Variants in GULP1 observed in about 807,000 individuals in gnomAD.
The protein encoded by GULP1 is GULP PTB domain containing engulfment adaptor 1.
Under a neutral mutation model 40.9 loss-of-function variants are expected in GULP1, and 19 were observed. That is an observed-to-expected ratio of 0.46 (90% CI 0.32 to 0.68). The LOEUF is 0.68. GULP1 is among the 30% of genes least tolerant of loss of function. The pLI is 0.03. For missense variants in GULP1, 312 were observed against 362.2 expected (o/e 0.86, Z 1.12); for synonymous variants, 119 against 117.6 (o/e 1.01, Z -0.08).
In GULP1 at chr2:188,368,648, A is replaced by C. The variant is rs185075931; in HGVS notation, c.-171-15115A>C. On this transcript the variant is annotated intron_variant, in intron 1 of 11. Coordinates refer to ENST00000409830, the MANE Select transcript of GULP1 (RefSeq NM_016315.4). ...TTAGTTAAAAAAATGTTTTCAGTAT[A>C]ACAAAGAAAATACAGAAGCCAAAGT... Among the ~76,000 whole-genome samples the C allele has an allele frequency of 2.6e-5, 4 of 151,888 alleles. No individual in the cohort carries two copies. In the South Asian group the frequency reaches 6.2e-4, roughly 24 times the overall value.
At chr2:188,352,290 G>T (rs1416971913) in intron 1 of GULP1, among the ~76,000 whole-genome samples, 1 of 152,134 alleles carries the variant, frequency 6.6e-6, no homozygotes, top group Non-Finnish European at 1.5e-5. Flanking sequence ...TAACAAAAAG[G>T]TTGAGTGAGA....
At chr2:188,431,851 G>A (rs1462088312) in intron 2 of GULP1, among the ~76,000 whole-genome samples, 2 of 151,618 alleles carry the variant, frequency 1.3e-5, no homozygotes, top group East Asian at 1.9e-4. Context: ...AATATCTGTA[G>A]TTTCTTCACA....
In GULP1 at chr2:188,404,693, G is replaced by A. The variant is rs148066789; in HGVS notation, c.-45+20804G>A. On this transcript the variant is annotated intron_variant, in intron 2 of 11. Coordinates refer to ENST00000409830, the MANE Select transcript of GULP1 (RefSeq NM_016315.4). ...CTGACCCCTGTGGCCCTAGGCCATGGACTGGTCCAGCATTAGACTGGTCCC... is the reference window on the plus strand; with the variant it reads ...CTGACCCCTGTGGCCCTAGGCCATGAACTGGTCCAGCATTAGACTGGTCCC... Among the ~76,000 whole-genome samples the A allele has an allele frequency of 5.9e-3, 895 of 152,236 alleles. 7 individuals carry two copies. The highest frequency in any genetic ancestry group is 0.01 in the Middle Eastern group (3 of 294).
chr2:188,451,566 T>C (rs550949485), intron 2 of GULP1, among the ~76,000 whole-genome samples: 1 of 152,312 alleles, frequency 6.6e-6, no homozygotes, highest in South Asian at 2.1e-4. Flanking sequence ...TCAAAATGTG[T>C]TTACATTTTA....
chr2:188,470,095 TCTC>T (rs2060464333), intron 2 of GULP1, among the ~76,000 whole-genome samples: 1 of 152,144 alleles, frequency 6.6e-6, no homozygotes, highest in Admixed American at 6.6e-5. Context: ...GGAAGTATTC[TCTC>T]CTCCTCTATT....
chr2:188,408,666 G>A (rs188785838), intron 2 of GULP1, among the ~76,000 whole-genome samples: 9 of 152,176 alleles, frequency 5.9e-5, no homozygotes, highest in East Asian at 3.9e-4. Context: ...TAGACCAAGC[G>A]GACCAGACAG....
At chr2:188,583,723 A>G (rs1431564846) in intron 9 of GULP1, among the ~76,000 whole-genome samples, 4 of 152,312 alleles carry the variant, frequency 2.6e-5, no homozygotes, top group Middle Eastern at 3.4e-3. Flanking sequence ...ATGTACTGCA[A>G]TGAATATCAG....
chr2:188,419,736 T>C (rs1224856995), intron 2 of GULP1, among the ~76,000 whole-genome samples: 1 of 152,184 alleles, frequency 6.6e-6, no homozygotes, highest in African/African-American at 2.4e-5. Context: ...GTTTATTTTG[T>C]TGCTTGTCCT....
intron 7 of GULP1, among the ~76,000 whole-genome samples, chr2:188,564,513 A>T (rs1452673259): frequency 6.6e-6 from 1 of 151,926 alleles, no homozygotes; most frequent in Non-Finnish European, 1.5e-5. Context: ...TGAGAATTTT[A>T]AAAATATGCA....
chr2:188,333,947 G>A (rs754668075), intron 1 of GULP1, among the ~76,000 whole-genome samples: 11 of 152,056 alleles, frequency 7.2e-5, no homozygotes, highest in Non-Finnish European at 7.4e-5. Flanking sequence ...CAGGGACTCC[G>A]TGCACTCCAG....
chr2:188,462,998 T>C (rs1204077977), intron 2 of GULP1, among the ~76,000 whole-genome samples: 1 of 152,138 alleles, frequency 6.6e-6, no homozygotes, highest in Non-Finnish European at 1.5e-5. Context: ...TTGTTTTAGT[T>C]ATTATTTTTG....
At chr2:188,446,188 A>C (rs1010000640) in intron 2 of GULP1, among the ~76,000 whole-genome samples, 16 of 152,136 alleles carry the variant, frequency 1.1e-4, no homozygotes, top group Admixed American at 1.0e-3. Context: ...TTCTACCTGC[A>C]TTTATATATG....
chr2:188,378,762 G>C (rs529276061), intron 1 of GULP1, among the ~76,000 whole-genome samples: 1 of 152,210 alleles, frequency 6.6e-6, no homozygotes, highest in Non-Finnish European at 1.5e-5. Flanking sequence ...ATTCATGAGG[G>C]ATCTGCCCCC....
chr2:188,328,339 C>G (rs2041053275), intron 1 of GULP1, among the ~76,000 whole-genome samples: 2 of 152,176 alleles, frequency 1.3e-5, no homozygotes, highest in South Asian at 4.2e-4. Flanking sequence ...AGTCAGGGAT[C>G]ATCAATAAAT....
chr2:188,297,199 T>G (rs948106911), intron 1 of GULP1, among the ~76,000 whole-genome samples: 1 of 152,026 alleles, frequency 6.6e-6, no homozygotes, highest in African/African-American at 2.4e-5. Flanking sequence ...AGACTTCTAT[T>G]TATACCTCCG....
intron 2 of GULP1, among the ~76,000 whole-genome samples, chr2:188,457,663 C>A (rs1559263641): frequency 6.6e-6 from 1 of 152,118 alleles, no homozygotes; most frequent in African/African-American, 2.4e-5. Context: ...GTTTTTAAGG[C>A]TGGATCAGTT....
intron 4 of GULP1, among the ~76,000 whole-genome samples, chr2:188,509,408 C>T (rs2064270841): frequency 6.6e-6 from 1 of 152,156 alleles, no homozygotes; most frequent in Admixed American, 6.5e-5. Context: ...CAATGCTTTG[C>T]AGAAATAGAC....
chr2:188,382,822 T>A (rs1264658831), intron 1 of GULP1, among the ~76,000 whole-genome samples: 1 of 152,130 alleles, frequency 6.6e-6, no homozygotes, highest in Non-Finnish European at 1.5e-5. Context: ...AACAAATAGG[T>A]CAATAGGCTT....
At chr2:188,522,953 T>A in intron 5 of GULP1, 126 bp downstream of exon 5, 1 of 598,178 alleles carries the variant, frequency 1.7e-6, no homozygotes, top group Non-Finnish European at 3.1e-6. Flanking sequence ...AAATGAACTA[T>A]TGAACAAATG....
Sources: gnomAD v4.1 joint callset for allele counts (sites outside exome capture counted in the v4.1 genomes callset) on GRCh38, gnomAD v4.1.1 for gene constraint, MANE v1.5 for transcripts, NCBI Gene and HGNC (gene_info 2026-07-23, HGNC 2026-07-21) for gene names.